SCN10A: variants seen among roughly 807,000 people sequenced by gnomAD.
SCN10A encodes sodium voltage-gated channel alpha subunit 10.
In SCN10A, 162 loss-of-function variants were observed where a neutral mutation model predicts 170.7. The ratio of observed to expected loss-of-function variants is 0.95; its 90% CI spans 0.84 to 1.08. SCN10A has a LOEUF of 1.08. Ranked by LOEUF, SCN10A falls within the 50% of genes least tolerant of loss-of-function variation. The pLI, the probability that SCN10A is intolerant of heterozygous loss-of-function variation, is 0.00. For synonymous variants in SCN10A, 985 were observed against 904.6 expected (o/e 1.09, Z -1.59); for missense variants, 2,527 against 2,436.9 (o/e 1.04, Z -0.78).
In SCN10A at chr3:38,697,439, G is replaced by T. The variant is rs781742545; in HGVS notation, c.5781C>A (p.Gly1927=). 6.2e-6 allele frequency: 10 copies of T among 1,614,052 alleles called. No individual in the cohort carries two copies. Among genetic ancestry groups the T allele is most frequent in the Non-Finnish European group, 7.6e-6 (9 of 1,180,032 alleles). Reference sequence around the variant, plus strand: ...TCCTCATGTTGACTCTATCACTAAGGCCTCTAGTGACACTCTCATAGGACG... The same window carrying T: ...TCCTCATGTTGACTCTATCACTAAGTCCTCTAGTGACACTCTCATAGGACG... ...FPPSYESVTR[G]LSDRVNMRTS... The change falls in exon 28 of 28, where the codon GGC becomes GGA. Residue 1927 remains glycine (G), a synonymous_variant. Transcript: ENST00000449082.
chr3:38,712,507 A>G (rs1575939145), intron 22 of SCN10A, 62 bp from the exon 23 acceptor site: 10 of 1,541,142 alleles, frequency 6.5e-6, no homozygotes, highest in African/African-American at 2.7e-5. Context: ...GCTGGATTCT[A>G]TCTCTTTCTA....
At chr3:38,801,285 C>A (rs2064369177) in intron 1 of SCN10A, among the ~76,000 whole-genome samples, 1 of 152,152 alleles carries the variant, frequency 6.6e-6, no homozygotes, top group African/African-American at 2.4e-5. Flanking sequence ...ACAACAGCAC[C>A]TCATTATGTA....
intron 5 of SCN10A, among the ~76,000 whole-genome samples, chr3:38,764,404 T>A (rs899674849): frequency 6.6e-6 from 1 of 152,174 alleles, no homozygotes; most frequent in Non-Finnish European, 1.5e-5. Context: ...AAGTCCATTA[T>A]GTCATTGTTA....
intron 10 of SCN10A, 148 bp from the exon 11 acceptor site, chr3:38,756,106 G>T: frequency 1.3e-6 from 1 of 798,168 alleles, no homozygotes; most frequent in Non-Finnish European, 2.0e-6. Flanking sequence ...ATTAGGCCAT[G>T]GCAGGAACAG....
intron 5 of SCN10A, among the ~76,000 whole-genome samples, chr3:38,769,786 G>A (rs1379013930): frequency 6.6e-6 from 1 of 152,152 alleles, no homozygotes; most frequent in African/African-American, 2.4e-5. Context: ...ATCCCCTGGG[G>A]ATGGGGCTTC....
chr3:38,752,164 C>T lies in SCN10A; in HGVS notation c.1755+55G>A, dbSNP rs539260152. The T allele has an allele frequency of 1.1e-4, 164 of 1,431,874 alleles. 1 individual carries two copies. In the South Asian group the frequency reaches 2.3e-3, roughly 20 times the overall value. 88.7% of individuals were successfully genotyped at this position (1,431,874 alleles called of 1,614,324 possible). A position where few individuals can be genotyped will look rare whatever the true frequency, so the allele number is the denominator to read the frequency against. The stretch of plus-strand genomic sequence containing the variant: ...TTGGTGATACTCAGGCTTCTTGGCT[C>T]AAGGCTTCTAGGTGGAAGACAGCCT... On this transcript the variant is annotated intron_variant, in intron 12 of 27. Transcript: ENST00000449082.
Position 38,718,823 on chromosome 3 carries a change from A to G in SCN10A, c.3511T>C (p.Phe1171Leu). 1 of 1,613,862 alleles carries G rather than the reference A, an allele frequency of 6.2e-7. No homozygotes were observed. Residue 1171 changes from phenylalanine (F) to leucine (L), a missense_variant, in exon 21 of 28, where the codon TTT becomes CTT. Physicochemically the swap from Phe to Leu is conservative, Grantham distance 22. Coordinates refer to ENST00000449082, the MANE Select transcript of SCN10A (RefSeq NM_006514.4). ...MILLSSGSLAFEDYYLDQKPT... is the reference protein window; with the variant it reads ...MILLSSGSLALEDYYLDQKPT... ...TTCTGGTCCAGGTAATAGTCTTCAA[A>G]GGCCTGGAAGGAAGAAAGGATGCAG...
Position 38,746,964 on chromosome 3 carries a change from G to A in SCN10A, c.1867+3109C>T, listed in dbSNP as rs1456253852. 2.0e-5 allele frequency among the ~76,000 whole-genome samples: 3 copies of A among 152,170 alleles called. No homozygotes were observed. In the South Asian group the frequency reaches 6.2e-4, roughly 32 times the overall value. On this transcript the variant is annotated intron_variant, in intron 13 of 27. Coordinates refer to ENST00000449082, the MANE Select transcript of SCN10A (RefSeq NM_006514.4). ...GTTGGTTTGGGCCAAACTTTCTTAA[G>A]CATAATCCCTCTTAAAGAGGTGGCC...
At chr3:38,809,088 G>T (rs1440087607) in intron 1 of SCN10A, among the ~76,000 whole-genome samples, 1 of 152,198 alleles carries the variant, frequency 6.6e-6, no homozygotes, top group African/African-American at 2.4e-5. Context: ...TTCTGATTAT[G>T]ATCTTGTGAG....
intron 4 of SCN10A, among the ~76,000 whole-genome samples, chr3:38,785,670 G>A (rs1434055300): frequency 6.6e-6 from 1 of 152,076 alleles, no homozygotes; most frequent in East Asian, 1.9e-4. Flanking sequence ...CACAGCAAAA[G>A]AAACTATCAT....
At position 38,725,179 on chromosome 3, in the gene SCN10A, C is replaced by G. The variant is rs777551972; in HGVS notation, c.3223G>C (p.Ala1075Pro). ...WKDESVPQVPAEGVDDTSSSE... is the reference protein window; with the variant it reads ...WKDESVPQVPPEGVDDTSSSE... ...CAGGAAGCTGACATACCTACCTCAGCAGGGACCTGAGGAACAGACTCATCT... is the reference window on the plus strand; with the variant it reads ...CAGGAAGCTGACATACCTACCTCAGGAGGGACCTGAGGAACAGACTCATCT... The change falls in exon 18 of 28, where the codon GCT becomes CCT. Residue 1075 changes from alanine to proline, a missense_variant. By Grantham distance (27) the Ala-to-Pro change is conservative. Coordinates refer to ENST00000449082, the MANE Select transcript of SCN10A (RefSeq NM_006514.4). 6.3e-7 allele frequency: 1 copy of G among 1,591,824 alleles called. No individual in the cohort carries two copies. The highest frequency in any genetic ancestry group is 8.6e-7 in the Non-Finnish European group (1 of 1,163,320).
chr3:38,726,757 C>A lies in SCN10A; in HGVS notation c.2936G>T (p.Gly979Val), dbSNP rs559166014. The A allele has an allele frequency of 1.1e-5, 17 of 1,611,828 alleles. No individual in the cohort carries two copies. The African/African-American group carries it at 1.5e-4, about 14-fold the overall frequency. Reference sequence around the variant, plus strand: ...GAAGTCACTGTGCTCATCCCTGGGGCCTCTGGGAGCTTGGAGCCCTCCAGA... The same window carrying A: ...GAAGTCACTGTGCTCATCCCTGGGGACTCTGGGAGCTTGGAGCCCTCCAGA... ...GSSGGLQAPR[G>V]PRDEHSDFIA... Residue 979 changes from glycine to valine, a missense_variant, in exon 17 of 28, where the codon GGC becomes GTC. Gly to Val is a moderately radical substitution (Grantham distance 109, BLOSUM62 -3). Coordinates refer to ENST00000449082, the MANE Select transcript of SCN10A (RefSeq NM_006514.4).
chr3:38,709,195 C>T lies in SCN10A; in HGVS notation c.4281+283G>A, dbSNP rs74598043. ...CTTTCTTTCCCTGCTTGTATTCTCC[C>T]AGGGCTCACTTGGAACACATCTAAC... On this transcript the variant is annotated intron_variant, in intron 25 of 27. Transcript: ENST00000449082. Among the ~76,000 whole-genome samples the T allele has an allele frequency of 7.3e-3, 1,111 of 152,238 alleles. 19 individuals carry two copies. The highest frequency in any genetic ancestry group is 0.022 in the African/African-American group (930 of 41,542).
chr3:38,728,958 A>T, intron 15 of SCN10A, 57 bp from the exon 16 acceptor site: 2 of 1,530,856 alleles, frequency 1.3e-6, no homozygotes, highest in South Asian at 2.6e-5. Flanking sequence ...CCTTTCATCT[A>T]AAGTTTTGCC....
chr3:38,797,679 A>G (rs866971904), intron 1 of SCN10A, among the ~76,000 whole-genome samples: 4 of 152,152 alleles, frequency 2.6e-5, no homozygotes, highest in African/African-American at 7.2e-5. Flanking sequence ...GGGAGAAGAG[A>G]TACTTATAGT....
At chr3:38,736,487 G>A (rs2063562071) in intron 15 of SCN10A, among the ~76,000 whole-genome samples, 1 of 151,376 alleles carries the variant, frequency 6.6e-6, no homozygotes, top group African/African-American at 2.4e-5. Flanking sequence ...TGAAAATAAA[G>A]TCTATTAATT....
chr3:38,733,935 G>A (rs187992932), intron 15 of SCN10A, among the ~76,000 whole-genome samples: 46 of 152,300 alleles, frequency 3.0e-4, no homozygotes, highest in African/African-American at 1.1e-3. Flanking sequence ...GGTCAGGCTG[G>A]TCTCGAACTC....
At chr3:38,760,992 C>G (rs1036057110) in intron 7 of SCN10A, among the ~76,000 whole-genome samples, 200 bp downstream of exon 7, 6 of 152,166 alleles carry the variant, frequency 3.9e-5, no homozygotes, top group Admixed American at 6.5e-5. Context: ...ATTTATGGCT[C>G]ATTTCCTTGC....
At chr3:38,795,367 G>C (rs1222802840) in intron 1 of SCN10A, among the ~76,000 whole-genome samples, 66 of 132,880 alleles carry the variant, frequency 5.0e-4, no homozygotes, top group African/African-American at 1.9e-3. Flanking sequence ...TTTTGAGACA[G>C]GGTATCACTG....
Sources: allele counts gnomAD v4.1 joint callset (sites outside exome capture counted in the v4.1 genomes callset), GRCh38; gene constraint gnomAD v4.1.1; transcripts MANE v1.5; gene names NCBI Gene and HGNC (gene_info 2026-07-23, HGNC 2026-07-21).